RUNX2: variants seen among roughly 807,000 people sequenced by gnomAD.
RUNX2 encodes the protein RUNX family transcription factor 2.
A neutral mutation model predicts 51.7 loss-of-function variants in RUNX2; 10 were observed. The observed-to-expected ratio is 0.19, with a 90% CI of 0.12 to 0.33. The LOEUF is 0.33. RUNX2 is among the 10% of genes least tolerant of loss of function. The probability of loss-of-function intolerance (pLI) is 1.00; values close to 1 mark genes in which losing one functional copy is unlikely to be tolerated. For missense variants in RUNX2, 562 were observed against 691.3 expected, an observed-to-expected ratio of 0.81 and a Z score of 2.10; for synonymous variants, 276 against 273.6, an observed-to-expected ratio of 1.01 and a Z score of -0.09.
chr6:45,354,912 T>C (rs773318112), intron 2 of RUNX2, among the ~76,000 whole-genome samples: 9 of 152,184 alleles, frequency 5.9e-5, no homozygotes, highest in Non-Finnish European at 8.8e-5. Context: ...GCTTTTGGTA[T>C]TTTTTAATTT....
At chr6:45,470,097 A>G (rs775811960) in intron 5 of RUNX2, among the ~76,000 whole-genome samples, 2 of 152,180 alleles carry the variant, frequency 1.3e-5, no homozygotes, top group African/African-American at 2.4e-5. Flanking sequence ...TGTAGTTTTC[A>G]TGGTTGTGTT....
intron 5 of RUNX2, among the ~76,000 whole-genome samples, chr6:45,474,371 ATATGTGTG>A (rs1438307876): frequency 1.9e-5 from 2 of 108,018 alleles, no homozygotes; most frequent in East Asian, 2.3e-4. Flanking sequence ...TATGTTTTAT[ATATGTGTG>A]TGTGTGTGTG....
chr6:45,470,130 G>A (rs963782767), intron 5 of RUNX2, among the ~76,000 whole-genome samples: 9 of 152,146 alleles, frequency 5.9e-5, no homozygotes, highest in East Asian at 1.9e-4. Flanking sequence ...ATAATTAGTC[G>A]AACCATAGGT....
At chr6:45,415,402 T>A (rs139220211) in intron 2 of RUNX2, among the ~76,000 whole-genome samples, 1 of 152,262 alleles carries the variant, frequency 6.6e-6, no homozygotes, top group East Asian at 1.9e-4. Context: ...CAGCCTTGGC[T>A]CCCTGGGTGG....
chr6:45,364,717 T>C (rs985260909), intron 2 of RUNX2, among the ~76,000 whole-genome samples: 1 of 152,164 alleles, frequency 6.6e-6, no homozygotes, highest in Non-Finnish European at 1.5e-5. Flanking sequence ...TCTAAGTTTT[T>C]CCCCAATGCT....
intron 6 of RUNX2, among the ~76,000 whole-genome samples, chr6:45,511,533 A>G (rs910755835): frequency 1.3e-5 from 2 of 152,176 alleles, no homozygotes; most frequent in Non-Finnish European, 2.9e-5. Context: ...TTGAAATTAA[A>G]TTTTTGTCTT....
chr6:45,443,455 A>G (rs1039266549), intron 5 of RUNX2, among the ~76,000 whole-genome samples: 1 of 152,214 alleles, frequency 6.6e-6, no homozygotes. Context: ...TTTAAGGGAA[A>G]AAAACCACCA....
Position 45,492,028 on chromosome 6 carries a change from G to C in RUNX2, c.773G>C (p.Arg258Thr), listed in dbSNP as rs1428685613. The change falls in exon 6 of 9, where the codon AGA becomes ACA. Residue 258 changes from arginine to threonine, a missense_variant. Arg to Thr is a moderately conservative substitution (Grantham distance 71). Coordinates refer to ENST00000647337, the MANE Select transcript of RUNX2 (RefSeq NM_001024630.4). ...DLGRIPHPSM[R>T]VGVPPQNPRP... Reference sequence around the variant, plus strand: ...GGGCGCATTCCTCATCCCAGTATGAGAGTAGGTGTCCCGCCTCAGAACCCA... The same window carrying C: ...GGGCGCATTCCTCATCCCAGTATGACAGTAGGTGTCCCGCCTCAGAACCCA... 6.2e-7 allele frequency: 1 copy of C among 1,613,960 alleles called. No individual in the cohort carries two copies.
rs1798231963 is a variant in RUNX2 at position 45,422,586 on chromosome 6, C to A, written c.59-7C>A. On this transcript the variant is annotated splice_polypyrimidine_tract_variant and splice_region_variant and intron_variant, in intron 2 of 8. Transcript: ENST00000647337. ...ACTTGTGGCTGTTGTGATGCGTATT[C>A]CCGTAGATCCGAGCACCAGCCGGCG... The A allele has an allele frequency of 4.0e-6, 6 of 1,490,244 alleles. No individual in the cohort carries two copies. The East Asian group carries it at 1.8e-4, about 44-fold the overall frequency. The allele number at this position is 1,490,244 out of a possible 1,614,324, so 92.3% of individuals were successfully genotyped here.
intron 2 of RUNX2, among the ~76,000 whole-genome samples, chr6:45,411,107 A>G (rs1377376894): frequency 1.3e-5 from 2 of 152,198 alleles, no homozygotes; most frequent in African/African-American, 4.8e-5. Flanking sequence ...TTTTTCTTTC[A>G]ATGGCTCCAA....
intron 2 of RUNX2, among the ~76,000 whole-genome samples, chr6:45,333,362 T>C (rs181230105): frequency 5.9e-5 from 9 of 151,708 alleles, no homozygotes; most frequent in Admixed American, 2.6e-4. Flanking sequence ...TACATTCCCA[T>C]ACAACTGTTT....
At position 45,331,858 on chromosome 6, in the gene RUNX2, G is replaced by T. The variant is rs371627897; in HGVS notation, c.58+3074G>T. Among the ~76,000 whole-genome samples, 26 of 151,948 alleles carry T rather than the reference G, an allele frequency of 1.7e-4. No individual in the cohort carries two copies. The East Asian group carries it at 2.7e-3, about 16-fold the overall frequency. ...AATTACTCTCTTCCAGCTAACAACT[G>T]ATAGTTTGACTTGTTTAAATCAGTC... On this transcript the variant is annotated intron_variant, in intron 2 of 8. Transcript: ENST00000647337.
intron 7 of RUNX2, among the ~76,000 whole-genome samples, chr6:45,525,892 T>A (rs1008320291): frequency 6.6e-6 from 1 of 151,506 alleles, no homozygotes; most frequent in African/African-American, 2.4e-5. Flanking sequence ...CTTGGGAGAC[T>A]GAGGTGGGAG....
At chr6:45,471,447 CTT>C (rs779430509) in intron 5 of RUNX2, among the ~76,000 whole-genome samples, 29 of 139,156 alleles carry the variant, frequency 2.1e-4, no homozygotes, top group South Asian at 2.3e-4. Flanking sequence ...TTCTTTCTTT[CTT>C]TTTTTTTTTT....
intron 2 of RUNX2, among the ~76,000 whole-genome samples, chr6:45,381,029 C>T (rs1015754849): frequency 6.6e-6 from 1 of 152,010 alleles, no homozygotes. Context: ...CTATATTTGC[C>T]TTCTATTTTT....
Position 45,422,732 on chromosome 6 carries a change from G to GCAGCAA in RUNX2, c.203_204insACAGCA (p.Gln70_Gln71dup). 1 of 1,466,548 alleles carries GCAGCAA rather than the reference G, an allele frequency of 6.8e-7. No individual in the cohort carries two copies. The highest frequency in any genetic ancestry group is 9.2e-7 in the Non-Finnish European group (1 of 1,088,902). 90.8% of individuals were successfully genotyped at this position (1,466,548 alleles called of 1,614,324 possible). A position where few individuals can be genotyped will look rare whatever the true frequency, so the allele number is the denominator to read the frequency against. On this transcript the variant is annotated inframe_insertion, in exon 3 of 9. Transcript: ENST00000647337. ...AACAGCAGCAGCAGCAGCAGCAACA[G>GCAGCAA]CAGCAGCAGCAGCAGGAGGCGGCGG...
intron 6 of RUNX2, among the ~76,000 whole-genome samples, chr6:45,510,662 T>C (rs1436137223): frequency 6.6e-6 from 1 of 152,094 alleles, no homozygotes; most frequent in African/African-American, 2.4e-5. Context: ...TAGGGATAAT[T>C]TGAAACCTAT....
Position 45,342,770 on chromosome 6 carries a change from C to A in RUNX2, c.58+13986C>A, listed in dbSNP as rs532715497. On this transcript the variant is annotated intron_variant, in intron 2 of 8. Transcript: ENST00000647337. ...GTTTTAAAAGCTTATTTTTCCTGAA[C>A]CCATACAAAAAAATACATATGAAGA... is the stretch of plus-strand genomic sequence containing the variant. Among the ~76,000 whole-genome samples the A allele has an allele frequency of 9.9e-5, 15 of 151,988 alleles. 1 individual carries two copies. The East Asian group carries it at 1.7e-3, about 18-fold the overall frequency.
chr6:45,397,941 G>A (rs886625782), intron 2 of RUNX2, among the ~76,000 whole-genome samples: 57 of 152,146 alleles, frequency 3.7e-4, no homozygotes, highest in Admixed American at 1.3e-4. Context: ...TGTTCCCTGC[G>A]TGTGACATTG....
Sources: gnomAD v4.1 joint callset for allele counts (sites outside exome capture counted in the v4.1 genomes callset) on GRCh38, gnomAD v4.1.1 for gene constraint, MANE v1.5 for transcripts, NCBI Gene and HGNC (gene_info 2026-07-23, HGNC 2026-07-21) for gene names.